The following SLC9C2 variants were observed in gnomAD, a reference collection of about 807,000 sequenced individuals.
SLC9C2 encodes sodium/hydrogen exchanger 11.
Under a neutral mutation model 140.2 loss-of-function variants are expected in SLC9C2, and 75 were observed. The observed-to-expected ratio is 0.53, with a 90% CI of 0.44 to 0.65. The LOEUF (loss-of-function observed/expected upper bound fraction) is 0.65. SLC9C2 is among the 30% of genes least tolerant of loss of function. SLC9C2 has a pLI of 0.00. For missense variants in SLC9C2, 1,074 were observed against 1,331.8 expected (o/e 0.81, Z 3.01); for synonymous variants, 375 against 420.9 (o/e 0.89, Z 1.34).
chr1:173,567,352 G>T (rs1314639569), intron 9 of SLC9C2, among the ~76,000 whole-genome samples: 1 of 152,042 alleles, frequency 6.6e-6, no homozygotes, highest in African/African-American at 2.4e-5. Context: ...AGTGTTGAGT[G>T]CATATACATT....
chr1:173,594,767 T>C (rs916060934), intron 4 of SLC9C2, among the ~76,000 whole-genome samples: 1 of 152,214 alleles, frequency 6.6e-6, no homozygotes, highest in African/African-American at 2.4e-5. Context: ...AAATCAAATA[T>C]AATTATTAAA....
intron 13 of SLC9C2, among the ~76,000 whole-genome samples, chr1:173,543,742 C>G (rs1338002963): frequency 2.0e-5 from 3 of 152,184 alleles, no homozygotes; most frequent in Admixed American, 6.5e-5. Flanking sequence ...CTGACAAAAA[C>G]AAGCAATGGG....
At chr1:173,551,053 G>A (rs955108263) in intron 11 of SLC9C2, among the ~76,000 whole-genome samples, 6 of 149,416 alleles carry the variant, frequency 4.0e-5, no homozygotes, top group Admixed American at 2.0e-4. Flanking sequence ...GCTGTCACAG[G>A]AAGTTCTGCA....
At chr1:173,517,998 C>T (rs1428678490) in intron 22 of SLC9C2, among the ~76,000 whole-genome samples, 2 of 152,184 alleles carry the variant, frequency 1.3e-5, no homozygotes, top group African/African-American at 2.4e-5. Context: ...CAGTGGCTCA[C>T]GCCTGTAATC....
At chr1:173,526,005 G>T (rs960700146) in intron 19 of SLC9C2, among the ~76,000 whole-genome samples, 3 of 152,144 alleles carry the variant, frequency 2.0e-5, no homozygotes, top group Non-Finnish European at 4.4e-5. Context: ...TTACAATGTG[G>T]TCATGAATAT....
At chr1:173,544,127 A>C (rs1438314547) in intron 13 of SLC9C2, among the ~76,000 whole-genome samples, 2 of 152,134 alleles carry the variant, frequency 1.3e-5, no homozygotes, top group Non-Finnish European at 2.9e-5. Context: ...GGCTAATATC[A>C]AGAATCTCCA....
At position 173,524,077 on chromosome 1, in the gene SLC9C2, T is replaced by C. The variant is rs759582525; in HGVS notation, c.2532A>G (p.Leu844=). 1 of 1,610,714 alleles carries C rather than the reference T, an allele frequency of 6.2e-7. No individual in the cohort carries two copies. ...IEINKVLLKK[L]KALNNFPKAI... is the part of the protein sequence containing the mutation. The stretch of plus-strand genomic sequence containing the variant: ...CCTTTGGAAAGTTATTTAGTGCTTT[T>C]AATTTTTTAAGAAGTACCTAAAAAC... The change falls in exon 21 of 28, where the codon TTA becomes TTG. Residue 844 remains leucine (L), a synonymous_variant. Transcript: ENST00000367714.
chr1:173,517,753 C>T, intron 22 of SLC9C2, 49 bp from the exon 23 acceptor site: 1 of 1,531,414 alleles, frequency 6.5e-7, no homozygotes, highest in Non-Finnish European at 8.8e-7. Flanking sequence ...ATGAAAAACC[C>T]TTTGATCAAA....
rs776748391 is a variant in SLC9C2, at chr1:173,547,795, T to C, written c.1462-11A>G. 18 of 1,588,268 alleles carry C rather than the reference T, an allele frequency of 1.1e-5. No individual in the cohort carries two copies. The highest frequency in any genetic ancestry group is 1.7e-4 in the Middle Eastern group (1 of 6,014). ...TGAAACGTGGGAAAACTGAACCGTA[T>C]CAGATGACATTTTAAAACATAAAGG... On this transcript the variant is annotated splice_polypyrimidine_tract_variant and intron_variant, in intron 12 of 27. Coordinates refer to ENST00000367714, the MANE Select transcript of SLC9C2 (RefSeq NM_178527.4).
rs761815756 is a variant in SLC9C2 at position 173,534,506 on chromosome 1, T to G, written c.1952A>C (p.Tyr651Ser). 1.3e-6 allele frequency: 2 copies of G among 1,581,862 alleles called. No homozygotes were observed. Among genetic ancestry groups the G allele is most frequent in the East Asian group, 4.6e-5 (2 of 43,492 alleles). Reference protein sequence around the residue: ...ISINYYFMFLYVLESTLKIII... With the variant: ...ISINYYFMFLSVLESTLKIII... ...TACCTTCAATGTTGATTCTAATACA[T>G]ATAAAAACATAAAATAGTAGTTTAT... The change falls in exon 16 of 28, where the codon TAT becomes TCT. Residue 651 changes from tyrosine to serine, a missense_variant. Transcript: ENST00000367714.
intron 2 of SLC9C2, 139 bp downstream of exon 2, chr1:173,601,511 G>T: frequency 2.2e-6 from 2 of 897,634 alleles, no homozygotes; most frequent in Non-Finnish European, 3.3e-6. Context: ...ATTAAATGAA[G>T]CGAGATTGAC....
chr1:173,535,776 G>C, intron 15 of SLC9C2, 54 bp downstream of exon 15: 1 of 1,439,382 alleles, frequency 6.9e-7, no homozygotes, highest in Non-Finnish European at 9.2e-7. Context: ...TTATGACAAT[G>C]TAGAAATGGT....
At position 173,503,255 on chromosome 1, in the gene SLC9C2, A is replaced by C. The variant is rs1184663913; in HGVS notation, c.3371+11T>G. On this transcript the variant is annotated intron_variant, in intron 27 of 27. Transcript: ENST00000367714. ...AAGAAAAAATTCTAATCAAAGTGTC[A>C]AGTTTATTACCTCATCTTTTGTCTT... The C allele has an allele frequency of 6.2e-7, 1 of 1,609,268 alleles. No homozygotes were observed. Among genetic ancestry groups the C allele is most frequent in the Admixed American group, 1.7e-5 (1 of 59,608 alleles).
intron 9 of SLC9C2, among the ~76,000 whole-genome samples, chr1:173,572,042 T>C (rs1664873100): frequency 6.6e-6 from 1 of 152,174 alleles, no homozygotes; most frequent in Admixed American, 6.5e-5. Flanking sequence ...TCTGAGATGA[T>C]CTATTATTAT....
intron 5 of SLC9C2, 41 bp from the exon 6 acceptor site, chr1:173,583,663 G>T: frequency 9.9e-7 from 1 of 1,009,684 alleles, no homozygotes; most frequent in Non-Finnish European, 1.5e-6. Flanking sequence ...TATGCTACAT[G>T]AAAATAATGT....
intron 11 of SLC9C2, among the ~76,000 whole-genome samples, chr1:173,554,260 A>G (rs776354755): frequency 1.3e-5 from 2 of 152,162 alleles, no homozygotes; most frequent in Non-Finnish European, 2.9e-5. Context: ...GGCCAATGGA[A>G]TGTGAGTGAT....
chr1:173,569,729 C>T (rs981364529), intron 9 of SLC9C2, among the ~76,000 whole-genome samples: 8 of 152,106 alleles, frequency 5.3e-5, no homozygotes, highest in Non-Finnish European at 5.9e-5. Flanking sequence ...TCAGGAGAAT[C>T]GCTTGAGCCC....
intron 8 of SLC9C2, among the ~76,000 whole-genome samples, chr1:173,573,676 T>G (rs566781168): frequency 6.6e-6 from 1 of 152,334 alleles, no homozygotes; most frequent in East Asian, 1.9e-4. Context: ...CCCGGAGTTG[T>G]AGTTGCTACT....
chr1:173,597,858 T>A (rs371909281), intron 4 of SLC9C2, 46 bp downstream of exon 4: 182 of 1,518,170 alleles, frequency 1.2e-4, no homozygotes, highest in Non-Finnish European at 1.4e-4. Context: ...TCTATCAACG[T>A]GCATAAGCAA....
Sources: gnomAD v4.1 joint callset for allele counts (sites outside exome capture counted in the v4.1 genomes callset) on GRCh38, gnomAD v4.1.1 for gene constraint, MANE v1.5 for transcripts, NCBI Gene and HGNC (gene_info 2026-07-23, HGNC 2026-07-21) for gene names.